PHKA1: variants seen among roughly 807,000 people sequenced by gnomAD.
PHKA1 encodes phosphorylase b kinase regulatory subunit alpha, skeletal muscle isoform.
Under a neutral mutation model 110.2 loss-of-function variants are expected in PHKA1, and 60 were observed. The observed-to-expected ratio is 0.54, with a 90% CI of 0.44 to 0.68. The LOEUF (loss-of-function observed/expected upper bound fraction) is 0.68, where lower values mean the gene tolerates loss of function less well. Ranked by LOEUF, PHKA1 falls within the 30% of genes least tolerant of loss-of-function variation. The probability of loss-of-function intolerance (pLI) is 0.00; values close to 1 mark genes in which losing one functional copy is unlikely to be tolerated. For synonymous variants in PHKA1, 316 were observed against 333.6 expected, an observed-to-expected ratio of 0.95 and a Z score of 0.58; for missense variants, 801 against 942.5, an observed-to-expected ratio of 0.85 and a Z score of 1.97.
intron 13 of PHKA1, among the ~76,000 whole-genome samples, chrX:72,645,417 T>G (rs1448367544): frequency 5.3e-5 from 6 of 112,443 alleles, no homozygotes; most frequent in African/African-American, 1.6e-4. Flanking sequence ...TACTTTGCCT[T>G]CCTTTGCCAT....
At chrX:72,625,335 A>AAG (rs1409839877) in intron 17 of PHKA1, among the ~76,000 whole-genome samples, 1 of 111,823 alleles carries the variant, frequency 8.9e-6, no homozygotes. Context: ...GTTCCCACTT[A>AAG]TAAGAGAGAA....
chrX:72,691,924 T>C (rs2054044304), intron 4 of PHKA1, among the ~76,000 whole-genome samples: 1 of 112,364 alleles, frequency 8.9e-6, no homozygotes, highest in Admixed American at 9.5e-5. Flanking sequence ...AGAGTTGATG[T>C]CCTTGTCTTA....
intron 8 of PHKA1, among the ~76,000 whole-genome samples, chrX:72,665,646 A>G (rs149405176): frequency 3.9e-3 from 442 of 112,162 alleles, no homozygotes; most frequent in Non-Finnish European, 6.8e-3. Context: ...CTGTCAAAAC[A>G]AATCCAACAG....
intron 4 of PHKA1, among the ~76,000 whole-genome samples, chrX:72,692,374 G>A (rs1049761068): frequency 8.9e-6 from 1 of 111,802 alleles, no homozygotes; most frequent in Non-Finnish European, 1.9e-5. Context: ...GAGGTTGCAA[G>A]TGTCACCTCT....
At chrX:72,600,496 C>T (rs1323040092) in intron 28 of PHKA1, among the ~76,000 whole-genome samples, 1 of 111,996 alleles carries the variant, frequency 8.9e-6, no homozygotes, top group East Asian at 2.8e-4. Flanking sequence ...AGTTCTTTCA[C>T]GTTTCAAATA....
chrX:72,642,914 T>G (rs782772664), intron 14 of PHKA1, among the ~76,000 whole-genome samples: 2 of 111,995 alleles, frequency 1.8e-5, no homozygotes, highest in South Asian at 7.5e-4. Flanking sequence ...TATATTTGAA[T>G]TTTTAGGAAA....
Position 72,645,767 on chromosome X carries a change from C to T in PHKA1, c.1325-1271G>A, listed in dbSNP as rs140406639. ...TCCCTCAAGGAGCTCACAGTGTAAC[C>T]GAAGTGGCATACACATGGATTGTAA... On this transcript the variant is annotated intron_variant, in intron 13 of 31. Transcript: ENST00000373542. 4.2e-3 allele frequency among the ~76,000 whole-genome samples: 464 copies of T among 111,720 alleles called. 2 individuals are homozygous for T. The highest frequency in any genetic ancestry group is 7.5e-3 in the Non-Finnish European group (396 of 53,108).
chrX:72,676,026 A>C (rs782611979), intron 6 of PHKA1, 44 bp downstream of exon 6: 9 of 967,256 alleles, frequency 9.3e-6, no homozygotes, highest in Non-Finnish European at 1.3e-5. Context: ...GGGATACCAG[A>C]CTTCCTCATC....
rs1463395847 is a variant in PHKA1, at chrX:72,626,120, C to A, written c.1793+851G>T. ...AAACACATAGTATATGTAGTATGTA[C>A]GTGTGTGTGTGTATATGCATATGTA... On this transcript the variant is annotated intron_variant, in intron 17 of 31. Transcript: ENST00000373542. 6.6e-5 allele frequency among the ~76,000 whole-genome samples: 7 copies of A among 106,090 alleles called. 1 individual carries two copies. Among genetic ancestry groups the A allele is most frequent in the Non-Finnish European group, 7.7e-5 (4 of 51,727 alleles). The allele number at this position is 106,090 out of a possible 115,157, so 92.1% of individuals were successfully genotyped here. A position where few individuals can be genotyped will look rare whatever the true frequency, so the allele number is the denominator to read the frequency against.
chrX:72,701,927 C>T (rs1342538269), intron 3 of PHKA1, among the ~76,000 whole-genome samples: 1 of 111,979 alleles, frequency 8.9e-6, no homozygotes. Context: ...CGATAGGACA[C>T]CCATTGTTAG....
At chrX:72,653,305 C>T (rs2053451695) in intron 11 of PHKA1, 130 bp downstream of exon 11, 1 of 508,961 alleles carries the variant, frequency 2.0e-6, no homozygotes, top group Non-Finnish European at 3.5e-6. Context: ...CTTATGTTGT[C>T]CTGTACCTAA....
chrX:72,652,120 T>C, intron 12 of PHKA1, among the ~76,000 whole-genome samples: 1 of 112,286 alleles, frequency 8.9e-6, no homozygotes, highest in Middle Eastern at 4.6e-3. Context: ...ATGTTCCTAG[T>C]CACTTATCAT....
rs12688480 is a variant in PHKA1 at position 72,587,251 on chromosome X, A to G, written c.3244-2949T>C. On this transcript the variant is annotated intron_variant, in intron 29 of 31. Coordinates refer to ENST00000373542, the MANE Select transcript of PHKA1 (RefSeq NM_002637.4). Reference sequence around the variant, plus strand: ...GCTGATCTCTCGGCAGAAACTCTACAAGCCAGAAGAGAGTGGGGGCCGATA... The same window carrying G: ...GCTGATCTCTCGGCAGAAACTCTACGAGCCAGAAGAGAGTGGGGGCCGATA... Among the ~76,000 whole-genome samples the G allele has an allele frequency of 0.064, 7,169 of 111,603 alleles. 798 individuals are homozygous for G. The East Asian group carries it at 0.67, about 10-fold the overall frequency.
Position 72,605,585 on chromosome X carries a change from C to A in PHKA1, c.2641G>T (p.Asp881Tyr), listed in dbSNP as rs1556249800. Residue 881 changes from aspartate to tyrosine, a missense_variant, in exon 24 of 32, where the codon GAT (aspartate) becomes TAT (tyrosine). Transcript: ENST00000373542. ...LPYEALTQLI[D>Y]EASEGDMSIS... Reference sequence around the variant, plus strand: ...CTCATATCCCCTTCACTGGCTTCATCTATCAGCTGAGTGAGCGCCTCATAG... The same window carrying A: ...CTCATATCCCCTTCACTGGCTTCATATATCAGCTGAGTGAGCGCCTCATAG... 8.3e-7 allele frequency: 1 copy of A among 1,209,535 alleles called. No individual in the cohort carries two copies. Among genetic ancestry groups the A allele is most frequent in the South Asian group, 1.8e-5 (1 of 56,924 alleles).
chrX:72,622,316 A>G, intron 18 of PHKA1: 1 of 753,679 alleles, frequency 1.3e-6, no homozygotes, highest in Non-Finnish European at 1.6e-6. Context: ...TCTCCAACAT[A>G]CCACTCTTAA....
intron 17 of PHKA1, among the ~76,000 whole-genome samples, chrX:72,624,930 C>G (rs1415248873): frequency 8.9e-6 from 1 of 111,859 alleles, no homozygotes; most frequent in Non-Finnish European, 1.9e-5. Context: ...GAAAGATTGA[C>G]AAAAGGCTGG....
intron 21 of PHKA1, among the ~76,000 whole-genome samples, chrX:72,612,137 C>A (rs782280022): frequency 7.1e-5 from 8 of 112,004 alleles, no homozygotes; most frequent in Non-Finnish European, 1.3e-4. Context: ...GATATAATAT[C>A]TGGCAATAAA....
chrX:72,588,233 C>G (rs1333487169), intron 29 of PHKA1, among the ~76,000 whole-genome samples: 3 of 112,490 alleles, frequency 2.7e-5, no homozygotes, highest in Non-Finnish European at 5.6e-5. Context: ...AACTGTCTCT[C>G]AGACCACAGT....
rs1556299862 is a variant in PHKA1, at chrX:72,653,423, T to C, written c.1137+12A>G. The C allele has an allele frequency of 6.1e-6, 7 of 1,146,041 alleles. No individual in the cohort carries two copies. The highest frequency in any genetic ancestry group is 8.4e-6 in the Non-Finnish European group (7 of 835,688). 94.4% of individuals were successfully genotyped at this position (1,146,041 alleles called of 1,213,427 possible). On this transcript the variant is annotated intron_variant, in intron 11 of 31. Coordinates refer to ENST00000373542, the MANE Select transcript of PHKA1 (RefSeq NM_002637.4). ...CTCTATCAGCTACATGTTATGGCACTGTCTGACTCACCCTGTCAGGAGGAA... is the reference window on the plus strand; with the variant it reads ...CTCTATCAGCTACATGTTATGGCACCGTCTGACTCACCCTGTCAGGAGGAA...
Sources: gnomAD v4.1 joint callset for allele counts (sites outside exome capture counted in the v4.1 genomes callset) on GRCh38, gnomAD v4.1.1 for gene constraint, MANE v1.5 for transcripts, NCBI Gene and HGNC (gene_info 2026-07-23, HGNC 2026-07-21) for gene names.